Variants in OXR1 observed in about 807,000 individuals in gnomAD.
The protein encoded by OXR1 is oxidation resistance protein 1.
In OXR1, 41 loss-of-function variants were observed where a neutral mutation model predicts 104.6. The ratio of observed to expected loss-of-function variants is 0.39; its 90% CI spans 0.31 to 0.51. The LOEUF (loss-of-function observed/expected upper bound fraction) is 0.51, where lower values mean the gene tolerates loss of function less well. Ranked by LOEUF, OXR1 falls within the 20% of genes least tolerant of loss-of-function variation. The pLI is 0.77. For synonymous variants in OXR1, 348 were observed against 348.4 expected (o/e 1.00, Z 0.01); for missense variants, 955 against 1,031.9 (o/e 0.93, Z 1.02).
chr8:106,494,224 A>G (rs1296195976), intron 2 of OXR1, among the ~76,000 whole-genome samples: 1 of 152,156 alleles, frequency 6.6e-6, no homozygotes. Flanking sequence ...TTCTTGCCAG[A>G]TAATTCATTG....
intron 3 of OXR1, among the ~76,000 whole-genome samples, chr8:106,654,820 G>A (rs1369363709): frequency 6.6e-6 from 1 of 152,088 alleles, no homozygotes; most frequent in Non-Finnish European, 1.5e-5. Context: ...ATGTATATAT[G>A]TGAAATGAAA....
rs1815140153 is a variant in OXR1, at chr8:106,339,522, ATATATATATATAT to A, written c.-138-19953_-138-19941del. ...AAAAAAAAAAAAAAAAAAAAAAAATATATATATATATATATATATATATATATATATATAAAAC... is the reference window on the plus strand; with the variant it reads ...AAAAAAAAAAAAAAAAAAAAAAAATAATATATATATATATATATATAAAAC... On this transcript the variant is annotated intron_variant, in intron 1 of 16. Transcript: ENST00000517566. Among the ~76,000 whole-genome samples the A allele has an allele frequency of 1.7e-3, 32 of 19,296 alleles. 1 individual carries two copies. Among genetic ancestry groups the A allele is most frequent in the African/African-American group, 2.9e-3 (13 of 4,478 alleles). 12.7% of individuals were successfully genotyped at this position (19,296 alleles called of 152,430 possible). A position where few individuals can be genotyped will look rare whatever the true frequency, so the allele number is the denominator to read the frequency against.
At chr8:106,360,906 G>T (rs895365240) in intron 2 of OXR1, among the ~76,000 whole-genome samples, 11 of 152,098 alleles carry the variant, frequency 7.2e-5, no homozygotes, top group African/African-American at 2.7e-4. Flanking sequence ...CAGGAGGGTT[G>T]GGGAAAGGAA....
At chr8:106,596,284 A>G (rs907362963) in intron 3 of OXR1, among the ~76,000 whole-genome samples, 2 of 152,086 alleles carry the variant, frequency 1.3e-5, no homozygotes, top group South Asian at 2.1e-4. Context: ...TGTCTCTACT[A>G]AAAAATACAA....
intron 3 of OXR1, among the ~76,000 whole-genome samples, chr8:106,586,192 G>A (rs1818616933): frequency 6.6e-6 from 1 of 152,192 alleles, no homozygotes; most frequent in South Asian, 2.1e-4. Context: ...GAGAAACATG[G>A]TAGTTGAGAC....
chr8:106,684,456 A>G (rs1293696234), intron 6 of OXR1, 97 bp downstream of exon 6: 3 of 660,532 alleles, frequency 4.5e-6, no homozygotes, highest in Non-Finnish European at 8.1e-6. Flanking sequence ...CTATGGTTAG[A>G]ATGAAATATT....
In OXR1 at chr8:106,751,170, GC is replaced by G. The variant is rs1835864639; in HGVS notation, c.*230del. Reference sequence around the variant, plus strand: ...ACTGCGTCCATGTACTAGTATAACAGCTTGGGTTTGTTAGAATTTGGGCAAC... The same window carrying G: ...ACTGCGTCCATGTACTAGTATAACAGTTGGGTTTGTTAGAATTTGGGCAAC... On this transcript the variant is annotated 3_prime_UTR_variant, in exon 17 of 17. Coordinates refer to ENST00000517566, the MANE Select transcript of OXR1 (RefSeq NM_001198533.2). 1 of 328,920 alleles carries G rather than the reference GC, an allele frequency of 3.0e-6. No homozygotes were observed. Among genetic ancestry groups the G allele is most frequent in the African/African-American group, 2.1e-5 (1 of 47,136 alleles). The allele number at this position is 328,920 out of a possible 1,614,324, so 20.4% of individuals were successfully genotyped here. A position where few individuals can be genotyped will look rare whatever the true frequency, so the allele number is the denominator to read the frequency against.
At chr8:106,719,956 C>T (rs992039833) in intron 11 of OXR1, among the ~76,000 whole-genome samples, 6 of 152,132 alleles carry the variant, frequency 3.9e-5, no homozygotes, top group Non-Finnish European at 2.9e-5. Flanking sequence ...CAGGCGCCCG[C>T]CACCACGCCC....
intron 1 of OXR1, among the ~76,000 whole-genome samples, chr8:106,273,724 T>C (rs1811911000): frequency 6.6e-6 from 1 of 152,216 alleles, no homozygotes; most frequent in African/African-American, 2.4e-5. Context: ...AAATGGTCCA[T>C]ATTCAAAAAC....
At chr8:106,707,345 A>G in intron 9 of OXR1, 200 bp downstream of exon 9, 1 of 656,074 alleles carries the variant, frequency 1.5e-6, no homozygotes, top group Non-Finnish European at 2.7e-6. Flanking sequence ...GATTGTACAC[A>G]TAATGAGCAT....
At chr8:106,332,053 T>C (rs1457615148) in intron 1 of OXR1, among the ~76,000 whole-genome samples, 2 of 148,672 alleles carry the variant, frequency 1.3e-5, no homozygotes, top group African/African-American at 4.9e-5. Context: ...AATGCCCTTC[T>C]TCCTCCCCAT....
chr8:106,639,014 A>G (rs979211936), intron 3 of OXR1, among the ~76,000 whole-genome samples: 1 of 152,186 alleles, frequency 6.6e-6, no homozygotes, highest in African/African-American at 2.4e-5. Context: ...CATCTATGAA[A>G]TAGAAAGGTG....
intron 3 of OXR1, among the ~76,000 whole-genome samples, chr8:106,572,055 T>C (rs1225044826): frequency 6.6e-6 from 1 of 152,174 alleles, no homozygotes; most frequent in African/African-American, 2.4e-5. Flanking sequence ...GGGTCCCCAC[T>C]CTTTCAAATG....
chr8:106,277,843 T>A (rs939652995), intron 1 of OXR1, among the ~76,000 whole-genome samples: 3 of 152,200 alleles, frequency 2.0e-5, no homozygotes, highest in Non-Finnish European at 4.4e-5. Flanking sequence ...TTCCTAGAAA[T>A]TCCAGCAAAT....
chr8:106,571,487 A>AACATATGAACT (rs1211697773), intron 3 of OXR1, among the ~76,000 whole-genome samples: 40 of 152,282 alleles, frequency 2.6e-4, no homozygotes, highest in African/African-American at 9.6e-4. Context: ...CCTGGGAGCT[A>AACATATGAACT]GGGCTTCAAC....
intron 2 of OXR1, among the ~76,000 whole-genome samples, chr8:106,447,380 A>C (rs1362164403): frequency 6.6e-6 from 1 of 152,200 alleles, no homozygotes; most frequent in Admixed American, 6.5e-5. Flanking sequence ...GTGCTGAAGA[A>C]GTCAGTGTCT....
At chr8:106,712,683 C>T (rs1468592496) in intron 10 of OXR1, among the ~76,000 whole-genome samples, 1 of 151,988 alleles carries the variant, frequency 6.6e-6, no homozygotes, top group Non-Finnish European at 1.5e-5. Context: ...TCCCACTCCA[C>T]CATATATAGA....
chr8:106,683,508 T>C (rs1395828336), intron 5 of OXR1, among the ~76,000 whole-genome samples: 1 of 152,168 alleles, frequency 6.6e-6, no homozygotes, highest in Non-Finnish European at 1.5e-5. Flanking sequence ...TGAAAATAAT[T>C]GTAGATTTTT....
At chr8:106,488,793 T>C (rs1810874204) in intron 2 of OXR1, among the ~76,000 whole-genome samples, 1 of 149,300 alleles carries the variant, frequency 6.7e-6, no homozygotes, top group Non-Finnish European at 1.5e-5. Context: ...ATCTCTGTTT[T>C]GGTACCAGTA....
Sources: gnomAD v4.1 joint callset for allele counts (sites outside exome capture counted in the v4.1 genomes callset) on GRCh38, gnomAD v4.1.1 for gene constraint, MANE v1.5 for transcripts, NCBI Gene and HGNC (gene_info 2026-07-23, HGNC 2026-07-21) for gene names.